The following APOLD1 variants were observed in gnomAD, a reference collection of about 807,000 sequenced individuals.
APOLD1 encodes apolipoprotein L domain containing 1.
A neutral mutation model predicts 15.3 loss-of-function variants in APOLD1; 22 were observed. The observed-to-expected ratio is 1.44, with a 90% confidence interval of 1.03 to 2.05. The LOEUF (loss-of-function observed/expected upper bound fraction) is 2.05, where lower values mean the gene tolerates loss of function less well. Among genes scored for constraint, APOLD1 ranks in the 30% most tolerant of loss-of-function variants. The pLI is 0.00. For synonymous variants in APOLD1, 190 were observed against 167.4 expected (o/e 1.13, Z -1.04); for missense variants, 394 against 353.5 (o/e 1.11, Z -0.92).
chr12:12,744,250 A>T (rs1269193435), intron 1 of APOLD1, among the ~76,000 whole-genome samples: 5 of 150,954 alleles, frequency 3.3e-5, no homozygotes, highest in African/African-American at 9.8e-5. Flanking sequence ...TCAAGGCTGC[A>T]GTGAGCTATG....
chr12:12,787,784 G>T lies in APOLD1; in HGVS notation c.*132G>T, dbSNP rs957754440. The T allele has an allele frequency of 4.5e-6, 6 of 1,321,694 alleles. No individual in the cohort carries two copies. The highest frequency in any genetic ancestry group is 6.1e-6 in the Non-Finnish European group (6 of 983,942). 81.9% of individuals were successfully genotyped at this position (1,321,694 alleles called of 1,614,324 possible). A position where few individuals can be genotyped will look rare whatever the true frequency, so the allele number is the denominator to read the frequency against. ...GCAAAGGATGAGAAAAACTGTTTTT[G>T]AAGTGGGCAGGTCCCCAAAGCCCTT... On this transcript the variant is annotated 3_prime_UTR_variant, in exon 2 of 2. Transcript: ENST00000356591. The surrounding 1 kb of genome is among the most constrained non-coding windows in gnomAD (Gnocchi z 4.9).
Position 12,754,165 on chromosome 12 carries a change from T to C in APOLD1, c.96+28069T>C, listed in dbSNP as rs189100409. ...CTGCAGTGAGCCGAGATTGTGCCAC[T>C]GCACTCCAGCATGGGCGACAGAGTG... On this transcript the variant is annotated intron_variant, in intron 1 of 1. Coordinates refer to the APOLD1 transcript ENST00000326765. Among the ~76,000 whole-genome samples, 683 of 120,168 alleles carry C rather than the reference T, an allele frequency of 5.7e-3. 6 individuals carry two copies. The highest frequency in any genetic ancestry group is 0.019 in the African/African-American group (635 of 33,128). 78.8% of individuals were successfully genotyped at this position (120,168 alleles called of 152,430 possible). A position where few individuals can be genotyped will look rare whatever the true frequency, so the allele number is the denominator to read the frequency against.
intron 1 of APOLD1, among the ~76,000 whole-genome samples, chr12:12,771,169 C>T (rs769820806): frequency 7.9e-5 from 12 of 152,018 alleles, no homozygotes; most frequent in Non-Finnish European, 1.5e-4. Context: ...AAAGAACATC[C>T]GAGTCAGTGA....
chr12:12,780,043 T>A (rs1190063507), intron 1 of APOLD1, among the ~76,000 whole-genome samples: 1 of 151,990 alleles, frequency 6.6e-6, no homozygotes, highest in Admixed American at 6.6e-5. Flanking sequence ...AGCTGTATAG[T>A]CCAAGAGAAA....
intron 1 of APOLD1, among the ~76,000 whole-genome samples, chr12:12,775,142 G>A (rs972238056): frequency 2.6e-5 from 4 of 152,222 alleles, no homozygotes; most frequent in Non-Finnish European, 5.9e-5. Context: ...ATCAAGTCAC[G>A]AAAAGATGTG....
rs1360819522 is a variant in APOLD1 at position 12,761,838 on chromosome 12, G to T, written c.97-25071G>T. Among the ~76,000 whole-genome samples the T allele has an allele frequency of 3.9e-3, 506 of 129,946 alleles. 23 individuals are homozygous for T. The highest frequency in any genetic ancestry group is 0.017 in the South Asian group (62 of 3,678). 85.2% of individuals were successfully genotyped at this position (129,946 alleles called of 152,430 possible). A position where few individuals can be genotyped will look rare whatever the true frequency, so the allele number is the denominator to read the frequency against. ...ACATATATGTATATGTATAGAGAGA[G>T]AGAGAGAGAGAGAGAGAGAGAGAGT... On this transcript the variant is annotated intron_variant, in intron 1 of 1. Coordinates refer to the APOLD1 transcript ENST00000326765.
At chr12:12,786,412 G>A (rs1159722150) in intron 1 of APOLD1, among the ~76,000 whole-genome samples, 3 of 152,008 alleles carry the variant, frequency 2.0e-5, no homozygotes. Context: ...GATTTTTGAG[G>A]TTTTGGTGAA....
chr12:12,784,338 G>A (rs567985567), upstream of APOLD1, among the ~76,000 whole-genome samples: 2 of 152,136 alleles, frequency 1.3e-5, no homozygotes, highest in Non-Finnish European at 2.9e-5. Flanking sequence ...CCCATTTGGA[G>A]TGACCATGTC....
At chr12:12,726,318 T>C (rs1419025676) in intron 1 of APOLD1, 5 of 652,988 alleles carry the variant, frequency 7.7e-6, no homozygotes, top group Non-Finnish European at 1.4e-5. Context: ...GGGAGGAATA[T>C]GTTAAAACAA....
chr12:12,764,880 T>C (rs1291512263), intron 1 of APOLD1: 1 of 180,206 alleles, frequency 5.5e-6, no homozygotes, highest in Non-Finnish European at 1.3e-5. Flanking sequence ...TCTCAATGGC[T>C]TAATGCAATA....
intron 1 of APOLD1, among the ~76,000 whole-genome samples, chr12:12,730,870 A>G (rs1946634850): frequency 1.3e-5 from 2 of 151,700 alleles, no homozygotes; most frequent in South Asian, 4.2e-4. Context: ...GGCCAGGCAC[A>G]GTGGCTCACG....
chr12:12,758,695 T>C (rs1360294250), intron 1 of APOLD1, among the ~76,000 whole-genome samples: 1 of 152,202 alleles, frequency 6.6e-6, no homozygotes, highest in Non-Finnish European at 1.5e-5. Flanking sequence ...CACTTACGTA[T>C]TGTGGCCTTA....
intron 1 of APOLD1, among the ~76,000 whole-genome samples, chr12:12,730,641 A>G (rs1302832556): frequency 6.9e-6 from 1 of 144,754 alleles, no homozygotes; most frequent in Non-Finnish European, 1.5e-5. Context: ...AGATCATGCC[A>G]TTGTGCTCCA....
chr12:12,771,418 C>T, intron 1 of APOLD1: 1 of 417,018 alleles, frequency 2.4e-6, no homozygotes, highest in Non-Finnish European at 4.6e-6. Flanking sequence ...ATTATTATCC[C>T]ACAAGAGGTT....
At chr12:12,782,607 C>T (rs188288379), upstream of APOLD1, among the ~76,000 whole-genome samples, 82 of 152,258 alleles carry the variant, frequency 5.4e-4, no homozygotes, top group African/African-American at 1.6e-3. Context: ...GTCAAGGCTG[C>T]GGTGAGGCGT....
intron 1 of APOLD1, among the ~76,000 whole-genome samples, chr12:12,741,887 T>C (rs1031408004): frequency 2.0e-5 from 3 of 152,192 alleles, no homozygotes; most frequent in Non-Finnish European, 2.9e-5. Flanking sequence ...GAGTCTGGGC[T>C]CAAATTCAGG....
intron 1 of APOLD1, among the ~76,000 whole-genome samples, chr12:12,771,159 A>G (rs1398790154): frequency 6.6e-6 from 1 of 152,236 alleles, no homozygotes; most frequent in Non-Finnish European, 1.5e-5. Flanking sequence ...ATTAAGAAGG[A>G]AAGAACATCC....
At chr12:12,745,691 T>C (rs1296148595) in intron 1 of APOLD1, among the ~76,000 whole-genome samples, 1 of 152,030 alleles carries the variant, frequency 6.6e-6, no homozygotes, top group Non-Finnish European at 1.5e-5. Context: ...GTTGAATTTG[T>C]GGTAGATTAG....
intron 1 of APOLD1, among the ~76,000 whole-genome samples, chr12:12,744,000 A>G (rs1946745739): frequency 6.6e-6 from 1 of 152,108 alleles, no homozygotes; most frequent in Non-Finnish European, 1.5e-5. Flanking sequence ...TTAGACTTCT[A>G]GCACACAGTA....
Sources: allele counts gnomAD v4.1 joint callset (sites outside exome capture counted in the v4.1 genomes callset), GRCh38; gene constraint gnomAD v4.1.1; non-coding constraint Gnocchi (gnomAD v3.1); transcripts MANE v1.5; gene names NCBI Gene and HGNC (gene_info 2026-07-23, HGNC 2026-07-21).